GRIK2: variants seen among roughly 807,000 people sequenced by gnomAD.
The protein encoded by GRIK2 is glutamate ionotropic receptor kainate type subunit 2, also known as glutamate receptor ionotropic, kainate 2.
GRIK2 carries 32 observed loss-of-function variants against 100.3 expected under a neutral mutation model. That is an observed-to-expected ratio of 0.32 (90% CI 0.24 to 0.43). The LOEUF (loss-of-function observed/expected upper bound fraction) is 0.43, where lower values mean the gene tolerates loss of function less well. Ranked by LOEUF, GRIK2 falls within the 20% of genes least tolerant of loss-of-function variation. The pLI is 1.00. For synonymous variants in GRIK2, 417 were observed against 389.4 expected (o/e 1.07, Z -0.83); for missense variants, 843 against 1,114.9 (o/e 0.76, Z 3.47).
rs2114426999 is a variant in GRIK2 at position 102,035,426 on chromosome 6, G to A, written c.2171G>A (p.Gly724Glu). The A allele has an allele frequency of 6.2e-7, 1 of 1,608,524 alleles. No individual in the cohort carries two copies. The highest frequency in any genetic ancestry group is 8.5e-7 in the Non-Finnish European group (1 of 1,175,950). The change falls in exon 15 of 17, where the codon GGA (glycine) becomes GAA (glutamate). Residue 724 changes from glycine (G) to glutamate (E), a missense_variant. Physicochemically the swap from Gly to Glu is moderately conservative, Grantham distance 98. This residue lies in a region of GRIK2 where 237 missense variants were observed against 388.0 expected (regional missense o/e 0.61). Coordinates refer to ENST00000369134, the MANE Select transcript of GRIK2 (RefSeq NM_021956.5). ...QSVLVKSNEE[G>E]IQRVLTSDYA... is the part of the protein sequence containing the mutation. ...GTGCTGGTCAAAAGTAATGAAGAAGGAATCCAGCGAGTCCTCACCTCTGAT... is the reference window on the plus strand; with the variant it reads ...GTGCTGGTCAAAAGTAATGAAGAAGAAATCCAGCGAGTCCTCACCTCTGAT...
chr6:101,986,829 A>G (rs1281610005), intron 14 of GRIK2, among the ~76,000 whole-genome samples: 7 of 151,882 alleles, frequency 4.6e-5, no homozygotes, highest in Admixed American at 4.6e-4. Context: ...GATGAAAAAC[A>G]TTTAAAAGCT....
chr6:101,990,714 T>C (rs775453299), intron 14 of GRIK2, among the ~76,000 whole-genome samples: 1 of 151,550 alleles, frequency 6.6e-6, no homozygotes, highest in Admixed American at 6.6e-5. Flanking sequence ...GGTGCCTTAG[T>C]GTCTTGTTTT....
intron 2 of GRIK2, among the ~76,000 whole-genome samples, chr6:101,606,335 T>A (rs527392512): frequency 6.6e-6 from 1 of 152,014 alleles, no homozygotes; most frequent in African/African-American, 2.4e-5. Flanking sequence ...CATAGATAGA[T>A]TAGATTGGCA....
intron 11 of GRIK2, among the ~76,000 whole-genome samples, chr6:101,860,405 G>A (rs1026534639): frequency 9.2e-5 from 14 of 152,122 alleles, no homozygotes; most frequent in African/African-American, 3.4e-4. Flanking sequence ...TGGGATATAG[G>A]AGAAGTCATG....
intron 14 of GRIK2, among the ~76,000 whole-genome samples, chr6:102,016,265 G>A (rs13195038): frequency 5.3e-5 from 8 of 151,876 alleles, no homozygotes; most frequent in East Asian, 3.9e-4. Context: ...TTATAGATGC[G>A]GACAGATAAA....
At chr6:102,031,117 A>C (rs1005198130) in intron 14 of GRIK2, among the ~76,000 whole-genome samples, 3 of 130,758 alleles carry the variant, frequency 2.3e-5, no homozygotes, top group African/African-American at 8.2e-5. Context: ...ACACACACAC[A>C]CACACACACA....
chr6:101,863,473 G>T (rs191822639), intron 11 of GRIK2, among the ~76,000 whole-genome samples: 1 of 152,012 alleles, frequency 6.6e-6, no homozygotes, highest in Admixed American at 6.5e-5. Context: ...TACTTTCTTC[G>T]ACACCTATAA....
At chr6:101,781,562 C>A (rs1779095180) in intron 7 of GRIK2, among the ~76,000 whole-genome samples, 1 of 152,112 alleles carries the variant, frequency 6.6e-6, no homozygotes, top group African/African-American at 2.4e-5. Flanking sequence ...CATATGCATA[C>A]ATACACACAT....
intron 4 of GRIK2, among the ~76,000 whole-genome samples, chr6:101,659,642 A>G (rs914558017): frequency 2.6e-5 from 4 of 152,156 alleles, no homozygotes; most frequent in Non-Finnish European, 4.4e-5. Context: ...TGCTTCCTTC[A>G]GGAGCTCTTG....
intron 10 of GRIK2, among the ~76,000 whole-genome samples, chr6:101,835,033 A>G (rs1165907206): frequency 6.7e-6 from 1 of 149,982 alleles, no homozygotes; most frequent in African/African-American, 2.4e-5. Context: ...TACATACATA[A>G]AGTCAACTTC....
chr6:101,456,914 G>T (rs1264159249), intron 2 of GRIK2, among the ~76,000 whole-genome samples: 3 of 152,112 alleles, frequency 2.0e-5, no homozygotes, highest in Non-Finnish European at 2.9e-5. Flanking sequence ...GACAAATCTA[G>T]AGTACAGATA....
chr6:101,558,734 C>T (rs1776859647), intron 2 of GRIK2, among the ~76,000 whole-genome samples: 1 of 144,728 alleles, frequency 6.9e-6, no homozygotes, highest in Admixed American at 7.0e-5. Flanking sequence ...TTTCTTCTTT[C>T]ATGTGAAGTC....
At chr6:101,662,568 C>T (rs914010541) in intron 4 of GRIK2, among the ~76,000 whole-genome samples, 2 of 152,036 alleles carry the variant, frequency 1.3e-5, no homozygotes, top group Non-Finnish European at 2.9e-5. Context: ...CTTCTACTGT[C>T]ACAGCTTCTG....
At chr6:101,671,794 G>A (rs571809553) in intron 4 of GRIK2, among the ~76,000 whole-genome samples, 173 of 152,278 alleles carry the variant, frequency 1.1e-3, no homozygotes, top group Middle Eastern at 6.8e-3. Flanking sequence ...AACCCAGGAG[G>A]CGGAGGTTGT....
intron 7 of GRIK2, among the ~76,000 whole-genome samples, chr6:101,702,523 G>T (rs1487833409): frequency 6.6e-6 from 1 of 151,832 alleles, no homozygotes; most frequent in Non-Finnish European, 1.5e-5. Flanking sequence ...GGATCTTATG[G>T]TATACACAGC....
chr6:101,854,381 T>A (rs925098675), intron 10 of GRIK2, among the ~76,000 whole-genome samples: 3 of 152,112 alleles, frequency 2.0e-5, no homozygotes, highest in Admixed American at 1.3e-4. Flanking sequence ...TGCCTCAGTG[T>A]CCCAAGTAGC....
At chr6:102,060,551 ATTAG>A (rs1218781350) in intron 16 of GRIK2, among the ~76,000 whole-genome samples, 1 of 150,826 alleles carries the variant, frequency 6.6e-6, no homozygotes, top group Non-Finnish European at 1.5e-5. Context: ...ATTTTAAATA[ATTAG>A]TTCTAACAGG....
chr6:101,690,125 C>T (rs968428680), intron 7 of GRIK2, among the ~76,000 whole-genome samples: 2 of 152,096 alleles, frequency 1.3e-5, no homozygotes, highest in Non-Finnish European at 2.9e-5. Context: ...AACAGTCTAG[C>T]TATATCCCAG....
intron 2 of GRIK2, among the ~76,000 whole-genome samples, chr6:101,567,145 C>G (rs980218440): frequency 6.6e-6 from 1 of 151,618 alleles, no homozygotes; most frequent in African/African-American, 2.4e-5. Context: ...TTCTGAGTGC[C>G]CTGTCCACTG....
Sources: gnomAD v4.1 joint callset for allele counts (sites outside exome capture counted in the v4.1 genomes callset) on GRCh38, gnomAD v4.1.1 for gene constraint, gnomAD v4.1.1 regional missense constraint, MANE v1.5 for transcripts, NCBI Gene and HGNC (gene_info 2026-07-23, HGNC 2026-07-21) for gene names.